Variants in STOX2 observed in about 807,000 individuals in gnomAD.
The protein encoded by STOX2 is storkhead-box protein 2.
STOX2 carries 28 observed loss-of-function variants against 60.9 expected under a neutral mutation model. That is an observed-to-expected ratio of 0.46 (90% CI 0.34 to 0.63). The LOEUF (loss-of-function observed/expected upper bound fraction) is 0.63, where lower values mean the gene tolerates loss of function less well. STOX2 is among the 30% of genes least tolerant of loss of function. The probability of loss-of-function intolerance (pLI) is 0.01; values close to 1 mark genes in which losing one functional copy is unlikely to be tolerated. For missense variants in STOX2, 1,024 were observed against 1,187.7 expected, an observed-to-expected ratio of 0.86 and a Z score of 2.03; for synonymous variants, 472 against 463.9, an observed-to-expected ratio of 1.02 and a Z score of -0.22.
intron 1 of STOX2, among the ~76,000 whole-genome samples, chr4:183,814,868 T>C (rs1739114885): frequency 6.6e-6 from 1 of 152,250 alleles, no homozygotes; most frequent in Admixed American, 6.5e-5. Flanking sequence ...GTGATTTTAG[T>C]CTTTTTTCTT....
chr4:183,826,702 C>T (rs573410154), intron 1 of STOX2, among the ~76,000 whole-genome samples: 32 of 152,182 alleles, frequency 2.1e-4, no homozygotes, highest in African/African-American at 3.1e-4. Flanking sequence ...GCAGGGTTTG[C>T]GGAGGCTTAA....
intron 1 of STOX2, among the ~76,000 whole-genome samples, chr4:183,817,471 T>C (rs1739180162): frequency 6.6e-6 from 1 of 152,136 alleles, no homozygotes; most frequent in South Asian, 2.1e-4. Context: ...AAAAATCAAA[T>C]TGTTTGTACT....
chr4:183,921,620 C>G (rs971615620), intron 1 of STOX2, among the ~76,000 whole-genome samples: 8 of 152,086 alleles, frequency 5.3e-5, no homozygotes, highest in Non-Finnish European at 1.0e-4. Context: ...GGAGGACTTG[C>G]AAAATCTAGC....
chr4:184,010,752 T>G lies in STOX2; in HGVS notation c.1914T>G (p.Pro638=). 6.3e-7 allele frequency: 1 copy of G among 1,586,890 alleles called. No homozygotes were observed. The highest frequency in any genetic ancestry group is 8.6e-7 in the Non-Finnish European group (1 of 1,167,048). Residue 638 remains proline (P), a synonymous_variant, in exon 3 of 4, where the codon CCT becomes CCG. Coordinates refer to ENST00000308497, the MANE Select transcript of STOX2 (RefSeq NM_020225.3). This position sits in a 1 kb window ranked among gnomAD's most constrained non-coding sequence, Gnocchi z 4.5. The part of the protein sequence containing the change: ...TLAEGVKKLS[P]SDRQVPHSSR... ...CAGAAGGGGTGAAAAAGCTCTCCCC[T>G]TCTGATAGGCAGGTCCCCCACTCCT...
intron 1 of STOX2, among the ~76,000 whole-genome samples, chr4:183,831,501 C>A (rs1350527321): frequency 6.8e-6 from 1 of 146,574 alleles, no homozygotes; most frequent in Non-Finnish European, 1.5e-5. Context: ...GAACTATGTA[C>A]ATTTTTTTTT....
upstream of STOX2, among the ~76,000 whole-genome samples, chr4:183,903,996 G>A (rs142219690): frequency 2.5e-3 from 383 of 152,314 alleles, 1 homozygote; most frequent in African/African-American, 8.7e-3. Flanking sequence ...CCCTGAGCTT[G>A]TTTTCCTGCA....
At chr4:183,804,343 C>G (rs1738835880) in intron 1 of STOX2, among the ~76,000 whole-genome samples, 1 of 152,138 alleles carries the variant, frequency 6.6e-6, no homozygotes, top group Non-Finnish European at 1.5e-5. Flanking sequence ...GACACTTGAC[C>G]AATGAGGCAG....
intron 1 of STOX2, among the ~76,000 whole-genome samples, chr4:183,918,152 G>A (rs1300727204): frequency 6.6e-6 from 1 of 152,194 alleles, no homozygotes; most frequent in African/African-American, 2.4e-5. Flanking sequence ...GTTAAAAGCG[G>A]CTTTAAATGG....
At chr4:183,849,466 A>G (rs1740061938) in intron 1 of STOX2, among the ~76,000 whole-genome samples, 1 of 152,258 alleles carries the variant, frequency 6.6e-6, no homozygotes. Flanking sequence ...GGAGATACAT[A>G]CAAGAACTCT....
In STOX2 at chr4:184,017,291, T is replaced by G. The variant is rs1218978025; in HGVS notation, c.*7T>G. The G allele has an allele frequency of 6.3e-7, 1 of 1,580,398 alleles. No individual in the cohort carries two copies. The highest frequency in any genetic ancestry group is 1.8e-5 in the Admixed American group (1 of 54,680). On this transcript the variant is annotated 3_prime_UTR_variant, in exon 4 of 4. Coordinates refer to ENST00000308497, the MANE Select transcript of STOX2 (RefSeq NM_020225.3). ...TTCTGTTACTAGCGTGTGATTGTCC[T>G]TCTGCCTCAGATCTTCTGTCTCATT...
In STOX2 at chr4:183,945,668, C is replaced by G. The variant is rs181184938; in HGVS notation, c.166+38712C>G. 1.2e-4 allele frequency among the ~76,000 whole-genome samples: 18 copies of G among 152,234 alleles called. No homozygotes were observed. In the East Asian group the frequency reaches 3.3e-3, roughly 28 times the overall value. On this transcript the variant is annotated intron_variant, in intron 1 of 3. Transcript: ENST00000308497. The stretch of plus-strand genomic sequence containing the variant: ...ATTTGTTGAGGGATTACGAATGTTG[C>G]AAAGGGCTGAGGAAATCCGTTTACC...
chr4:183,977,517 C>CT (rs1732490374), intron 1 of STOX2, among the ~76,000 whole-genome samples: 1 of 127,222 alleles, frequency 7.9e-6, no homozygotes, highest in Non-Finnish European at 1.7e-5. Context: ...TGATTTAATT[C>CT]TTTTTTATGG....
intron 1 of STOX2, among the ~76,000 whole-genome samples, chr4:183,824,284 T>C (rs759828424): frequency 6.6e-6 from 1 of 152,250 alleles, no homozygotes; most frequent in African/African-American, 2.4e-5. Flanking sequence ...AATACAATAT[T>C]CTCACCACCT....
chr4:183,880,821 T>C (rs1740942227), intron 1 of STOX2, among the ~76,000 whole-genome samples: 2 of 152,190 alleles, frequency 1.3e-5, no homozygotes, highest in Admixed American at 1.3e-4. Context: ...AAGAACATTG[T>C]GGGGTAATAT....
intron 1 of STOX2, among the ~76,000 whole-genome samples, chr4:183,920,390 G>A (rs1353559438): frequency 6.6e-6 from 1 of 152,190 alleles, no homozygotes; most frequent in Non-Finnish European, 1.5e-5. Context: ...TTACAGGTGT[G>A]AGTCACCAGA....
chr4:183,870,643 T>C (rs1411681467), intron 1 of STOX2, among the ~76,000 whole-genome samples: 2 of 152,230 alleles, frequency 1.3e-5, no homozygotes, highest in African/African-American at 4.8e-5. Flanking sequence ...GAGTACAATA[T>C]ACTTAGTAAT....
chr4:183,805,432 A>AT (rs1199300211), intron 1 of STOX2, among the ~76,000 whole-genome samples: 1 of 152,182 alleles, frequency 6.6e-6, no homozygotes, highest in African/African-American at 2.4e-5. Context: ...TTTGGATCTA[A>AT]TTTTTTAATT....
chr4:183,954,996 C>T (rs569772235), intron 1 of STOX2, among the ~76,000 whole-genome samples: 12 of 152,360 alleles, frequency 7.9e-5, no homozygotes, highest in African/African-American at 2.2e-4. Flanking sequence ...CTACCACGCC[C>T]GGCCCCCCAA....
In STOX2 at chr4:184,010,751, C is replaced by T. The variant is rs758518288; in HGVS notation, c.1913C>T (p.Pro638Leu). 3 of 1,587,464 alleles carry T rather than the reference C, an allele frequency of 1.9e-6. No homozygotes were observed. Among genetic ancestry groups the T allele is most frequent in the South Asian group, 1.2e-5 (1 of 85,484 alleles). Residue 638 changes from proline to leucine, a missense_variant, in exon 3 of 4, where the codon CCT (proline) becomes CTT (leucine). Pro to Leu is a moderately conservative substitution (Grantham distance 98, BLOSUM62 -3). Transcript: ENST00000308497. This position sits in a 1 kb window ranked among gnomAD's most constrained non-coding sequence, Gnocchi z 4.5. Reference protein sequence around the residue: ...TLAEGVKKLSPSDRQVPHSSR... With the variant: ...TLAEGVKKLSLSDRQVPHSSR... ...GCAGAAGGGGTGAAAAAGCTCTCCC[C>T]TTCTGATAGGCAGGTCCCCCACTCC...
Sources: gnomAD v4.1 joint callset for allele counts (sites outside exome capture counted in the v4.1 genomes callset) on GRCh38, gnomAD v4.1.1 for gene constraint, Gnocchi (gnomAD v3.1) non-coding constraint, MANE v1.5 for transcripts, NCBI Gene and HGNC (gene_info 2026-07-23, HGNC 2026-07-21) for gene names.